MROH2B: variants seen among roughly 807,000 people sequenced by gnomAD.
MROH2B encodes the protein maestro heat-like repeat-containing protein family member 2B.
A neutral mutation model predicts 208.6 loss-of-function variants in MROH2B; 177 were observed. The observed-to-expected ratio is 0.85, with a 90% CI of 0.75 to 0.96. The LOEUF is 0.96. Among genes scored for constraint, MROH2B ranks in the 40% least tolerant of loss-of-function variants. MROH2B has a pLI of 0.00. For missense variants in MROH2B, 2,002 were observed against 1,878.7 expected (o/e 1.07, Z -1.21); for synonymous variants, 728 against 659.0 (o/e 1.10, Z -1.60).
rs1021986174 is a variant in MROH2B, at chr5:41,038,856, C to T, written c.2094G>A (p.Lys698=). 3 of 1,611,416 alleles carry T rather than the reference C, an allele frequency of 1.9e-6. No individual in the cohort carries two copies. Among genetic ancestry groups the T allele is most frequent in the African/African-American group, 2.7e-5 (2 of 74,878 alleles). Residue 698 remains lysine (K), a synonymous_variant, in exon 21 of 42, where the codon AAG becomes AAA. Coordinates refer to ENST00000399564, the MANE Select transcript of MROH2B (RefSeq NM_173489.5). Reference sequence around the variant, plus strand: ...CTCCATAGATGACCATGACATCTGTCTTGGTCAGGCTCTTTTTCCCAGAAA... The same window carrying T: ...CTCCATAGATGACCATGACATCTGTTTTGGTCAGGCTCTTTTTCCCAGAAA... ...SLFSGKKSLT[K]TDVMVIYGAV...
intron 37 of MROH2B, among the ~76,000 whole-genome samples, chr5:41,003,108 G>A (rs1310020670): frequency 2.0e-5 from 3 of 151,758 alleles, no homozygotes; most frequent in Non-Finnish European, 2.9e-5. Flanking sequence ...CTACAGGCGC[G>A]CACCGCCACA....
chr5:41,047,506 A>G (rs1743158026), intron 17 of MROH2B, among the ~76,000 whole-genome samples: 1 of 152,222 alleles, frequency 6.6e-6, no homozygotes, highest in African/African-American at 2.4e-5. Context: ...AAACTGTCTG[A>G]AACTGAATCA....
At position 41,051,143 on chromosome 5, in the gene MROH2B, C is replaced by T. The variant is rs1579950166; in HGVS notation, c.1231-53G>A. Reference sequence around the variant, plus strand: ...GTTAATGACTCCTAAGGTTGGTCCCCTCTGACTTTCCTTGGGTGTGTTCTT... The same window carrying T: ...GTTAATGACTCCTAAGGTTGGTCCCTTCTGACTTTCCTTGGGTGTGTTCTT... On this transcript the variant is annotated intron_variant, in intron 12 of 41. Transcript: ENST00000399564. 2.5e-6 allele frequency: 3 copies of T among 1,206,420 alleles called. No individual in the cohort carries two copies. The East Asian group carries it at 8.9e-5, about 36-fold the overall frequency. 74.7% of individuals were successfully genotyped at this position (1,206,420 alleles called of 1,614,324 possible).
At chr5:41,011,542 C>T (rs1416453255) in intron 30 of MROH2B, among the ~76,000 whole-genome samples, 1 of 152,150 alleles carries the variant, frequency 6.6e-6, no homozygotes, top group Non-Finnish European at 1.5e-5. Flanking sequence ...ATTTTCAATG[C>T]CCTTAACACA....
chr5:41,039,405 G>C, intron 20 of MROH2B, 43 bp downstream of exon 20: 1 of 1,177,438 alleles, frequency 8.5e-7, no homozygotes, highest in East Asian at 2.5e-5. Flanking sequence ...AGGGTTGTCT[G>C]GCCTTGCAAT....
chr5:41,014,683 C>T (rs1741880131), intron 29 of MROH2B, among the ~76,000 whole-genome samples: 1 of 152,066 alleles, frequency 6.6e-6, no homozygotes, highest in Non-Finnish European at 1.5e-5. Flanking sequence ...ATTAACCCCT[C>T]TTTCTACACT....
chr5:41,038,228 A>G (rs1025472941), intron 21 of MROH2B, among the ~76,000 whole-genome samples: 18 of 152,202 alleles, frequency 1.2e-4, no homozygotes, highest in Non-Finnish European at 2.5e-4. Context: ...AAGAACTACC[A>G]TGGGCTAACA....
intron 28 of MROH2B, among the ~76,000 whole-genome samples, chr5:41,016,498 G>GC (rs1741953767): frequency 3.7e-5 from 3 of 80,778 alleles, no homozygotes; most frequent in African/African-American, 1.5e-4. Flanking sequence ...CTACTGTAAT[G>GC]TTTTTTTTTT....
In MROH2B at chr5:41,069,763, C is replaced by T. The variant is rs373405013; in HGVS notation, c.29-11G>A. ...TATCCCCAAACATCTCTAAAACGTACAGAAAAATATGAATTGAAATATATG... is the reference window on the plus strand; with the variant it reads ...TATCCCCAAACATCTCTAAAACGTATAGAAAAATATGAATTGAAATATATG... On this transcript the variant is annotated splice_polypyrimidine_tract_variant and intron_variant, in intron 1 of 41. Coordinates refer to ENST00000399564, the MANE Select transcript of MROH2B (RefSeq NM_173489.5). 1.9e-6 allele frequency: 3 copies of T among 1,581,218 alleles called. No individual in the cohort carries two copies. Among genetic ancestry groups the T allele is most frequent in the South Asian group, 1.1e-5 (1 of 87,794 alleles).
Position 41,064,683 on chromosome 5 carries a change from G to A in MROH2B, c.362-113C>T. On this transcript the variant is annotated intron_variant, in intron 4 of 41. Coordinates refer to ENST00000399564, the MANE Select transcript of MROH2B (RefSeq NM_173489.5). ...GGGCTGCACGGAGGAGGCAGATGAG[G>A]TGTAGTAGAAAGATGTTTCTATAAT... 3 of 663,616 alleles carry A rather than the reference G, an allele frequency of 4.5e-6. No individual in the cohort carries two copies. The South Asian group carries it at 6.3e-5, about 14-fold the overall frequency. 41.1% of individuals were successfully genotyped at this position (663,616 alleles called of 1,614,324 possible).
intron 37 of MROH2B, among the ~76,000 whole-genome samples, chr5:41,001,405 G>T (rs1036197199): frequency 2.6e-5 from 4 of 151,962 alleles, no homozygotes; most frequent in African/African-American, 9.7e-5. Flanking sequence ...AGGATGGCAG[G>T]CGATGATTTT....
intron 11 of MROH2B, among the ~76,000 whole-genome samples, chr5:41,053,184 C>A (rs917009224): frequency 6.6e-6 from 1 of 152,138 alleles, no homozygotes; most frequent in African/African-American, 2.4e-5. Flanking sequence ...ATTTCAGAGT[C>A]CAAACAACTA....
intron 13 of MROH2B, among the ~76,000 whole-genome samples, chr5:41,050,523 G>C (rs1219334166): frequency 6.6e-6 from 1 of 152,100 alleles, no homozygotes; most frequent in East Asian, 1.9e-4. Flanking sequence ...GTGGTCAGTT[G>C]GTTGTCTTCT....
chr5:41,048,334 C>T lies in MROH2B; in HGVS notation c.1674G>A (p.Gln558=). Residue 558 remains glutamine (Q), a synonymous_variant, in exon 16 of 42, where the codon CAG becomes CAA. Coordinates refer to ENST00000399564, the MANE Select transcript of MROH2B (RefSeq NM_173489.5). ...LWKTRLPELL[Q]PLEGKNISTV... ...CCCAATCCCTTGTACCTTCCAGAGG[C>T]TGCAGAAGCTCAGGTAAACGTGTTT... 6 of 1,612,874 alleles carry T rather than the reference C, an allele frequency of 3.7e-6. No individual in the cohort carries two copies. The highest frequency in any genetic ancestry group is 3.4e-6 in the Non-Finnish European group (4 of 1,179,298).
chr5:41,033,245 G>A (rs2150167061), intron 22 of MROH2B, 85 bp from the exon 23 acceptor site: 2 of 1,532,200 alleles, frequency 1.3e-6, no homozygotes, highest in East Asian at 2.4e-5. Context: ...TTTGAAATAT[G>A]TTCCCAGACA....
chr5:41,055,151 C>T (rs1743406731), intron 10 of MROH2B, among the ~76,000 whole-genome samples: 1 of 152,102 alleles, frequency 6.6e-6, no homozygotes, highest in Non-Finnish European at 1.5e-5. Flanking sequence ...TCTGCTGATT[C>T]TTCAGTAAAT....
chr5:41,000,292 C>A lies in MROH2B; in HGVS notation c.4410G>T (p.Gly1470=). 1 of 1,613,852 alleles carries A rather than the reference C, an allele frequency of 6.2e-7. No individual in the cohort carries two copies. The highest frequency in any genetic ancestry group is 8.5e-7 in the Non-Finnish European group (1 of 1,179,822). The change falls in exon 39 of 42, where the codon GGG becomes GGT. Residue 1470 remains glycine (G), a synonymous_variant. Transcript: ENST00000399564. ...CCTGATCAAGGAGACGGTCTAATAC[C>A]CCATAGAGCTCCTGGAGGCCCAAAA... is the stretch of plus-strand genomic sequence containing the variant. The part of the protein sequence containing the change: ...IPFLGLQELY[G]VLDRLLDQDL...
rs1271754748 is a variant in MROH2B, at chr5:41,057,295, T to C, written c.822A>G (p.Arg274=). 1 of 1,598,298 alleles carries C rather than the reference T, an allele frequency of 6.3e-7. No homozygotes were observed. Among genetic ancestry groups the C allele is most frequent in the East Asian group, 2.2e-5 (1 of 44,574 alleles). Residue 274 remains arginine, a synonymous_variant, in exon 8 of 42, where the codon AGA becomes AGG. Transcript: ENST00000399564. ...YDIGLPRSLR[R]SIFINLLQQI... ...GCTGGAGTAAATTGATAAAGATGGA[T>C]CTTCTCAAGCTCCTTGGAAGGCCAA...
At chr5:41,064,333 G>T (rs920766023) in intron 5 of MROH2B, 139 bp downstream of exon 5, 3 of 643,690 alleles carry the variant, frequency 4.7e-6, no homozygotes, top group Non-Finnish European at 8.2e-6. Context: ...TTTCCATGTG[G>T]TAGGCACTCA....
Sources: allele counts gnomAD v4.1 joint callset (sites outside exome capture counted in the v4.1 genomes callset), GRCh38; gene constraint gnomAD v4.1.1; transcripts MANE v1.5; gene names NCBI Gene and HGNC (gene_info 2026-07-23, HGNC 2026-07-21).